Variants in ANKFN1 observed in about 807,000 individuals in gnomAD.
The protein encoded by ANKFN1 is ankyrin repeat and fibronectin type III domain containing 1, also known as ankyrin repeat and fibronectin type-III domain-containing protein 1.
Under a neutral mutation model 108.7 loss-of-function variants are expected in ANKFN1, and 74 were observed. The observed-to-expected ratio is 0.68, with a 90% CI of 0.56 to 0.83. ANKFN1 has a LOEUF of 0.83. Ranked by LOEUF, ANKFN1 falls within the 40% of genes least tolerant of loss-of-function variation. The probability of loss-of-function intolerance (pLI) is 0.00; values close to 1 mark genes in which losing one functional copy is unlikely to be tolerated. For synonymous variants in ANKFN1, 547 were observed against 516.2 expected (o/e 1.06, Z -0.81); for missense variants, 1,505 against 1,382.3 (o/e 1.09, Z -1.41).
intron 20 of ANKFN1, among the ~76,000 whole-genome samples, chr17:56,502,746 C>A (rs2051415138): frequency 6.6e-6 from 1 of 152,190 alleles, no homozygotes; most frequent in African/African-American, 2.4e-5. Flanking sequence ...AGCATAATTC[C>A]ATTCTGTGTG....
At chr17:56,174,104 G>A (rs772157042) in intron 1 of ANKFN1, 1 of 888,800 alleles carries the variant, frequency 1.1e-6, no homozygotes, top group Non-Finnish European at 1.3e-6. Context: ...AGAATCCGTG[G>A]GTCAGCTTGA....
In ANKFN1 at chr17:56,420,715, CT is replaced by C. The variant is rs560168948; in HGVS notation, c.911-19602del. Among the ~76,000 whole-genome samples the C allele has an allele frequency of 1.1e-4, 9 of 84,078 alleles. No homozygotes were observed. In the South Asian group the frequency reaches 1.3e-3, roughly 12 times the overall value. 55.2% of individuals were successfully genotyped at this position (84,078 alleles called of 152,430 possible). A position where few individuals can be genotyped will look rare whatever the true frequency, so the allele number is the denominator to read the frequency against. On this transcript the variant is annotated intron_variant, in intron 8 of 20. Transcript: ENST00000682825. ...TTTTTTTTTTTTTTATTGTTGTTTTCTTTTTTTTTTGAGACGGAGTCTCACT... is the reference window on the plus strand; with the variant it reads ...TTTTTTTTTTTTTTATTGTTGTTTTCTTTTTTTTTGAGACGGAGTCTCACT...
intron 3 of ANKFN1, among the ~76,000 whole-genome samples, chr17:56,249,395 C>A (rs2043185910): frequency 6.6e-6 from 1 of 151,674 alleles, no homozygotes; most frequent in Non-Finnish European, 1.5e-5. Context: ...GATCGCCCCA[C>A]TGTGCTCCAG....
exon 4 of ANKFN1, chr17:56,046,153 A>G (rs933902657): frequency 6.6e-6 from 1 of 152,424 alleles, no homozygotes; most frequent in African/African-American, 2.4e-5. Context: ...GACATAAACG[A>G]GTCGGTGTTC....
At chr17:56,491,995 G>A (rs559993225) in intron 18 of ANKFN1, among the ~76,000 whole-genome samples, 192 bp from the exon 19 acceptor site, 3 of 152,176 alleles carry the variant, frequency 2.0e-5, no homozygotes, top group Admixed American at 6.5e-5. Context: ...AACCTTAAAA[G>A]GGAATACTGT....
intron 4 of ANKFN1, among the ~76,000 whole-genome samples, chr17:56,054,668 T>G (rs1184339200): frequency 1.3e-5 from 2 of 152,148 alleles, no homozygotes; most frequent in African/African-American, 4.8e-5. Context: ...TCCTAGCACT[T>G]TTGGAGTCTG....
At chr17:56,392,599 G>A (rs1252155251) in intron 8 of ANKFN1, among the ~76,000 whole-genome samples, 2 of 152,080 alleles carry the variant, frequency 1.3e-5, no homozygotes, top group Admixed American at 6.6e-5. Flanking sequence ...TAAACACACC[G>A]TGGGCACAGC....
At chr17:56,151,764 C>T (rs1908632130), upstream of ANKFN1, among the ~76,000 whole-genome samples, 1 of 152,136 alleles carries the variant, frequency 6.6e-6, no homozygotes, top group Admixed American at 6.5e-5. Flanking sequence ...ACACTTACTG[C>T]AGTAAGCCTA....
At chr17:56,134,304 A>G (rs1907465206) in intron 4 of ANKFN1, among the ~76,000 whole-genome samples, 3 of 152,112 alleles carry the variant, frequency 2.0e-5, no homozygotes, top group Admixed American at 2.0e-4. Context: ...AAACTCTCCA[A>G]GTCCACAGTT....
intron 8 of ANKFN1, among the ~76,000 whole-genome samples, chr17:56,433,656 G>A (rs1598602243): frequency 1.3e-5 from 2 of 152,030 alleles, no homozygotes; most frequent in South Asian, 2.1e-4. Flanking sequence ...AGAATGACAC[G>A]ATGGACTTTG....
In ANKFN1 at chr17:56,311,161, G is replaced by A. The variant is rs577589961; in HGVS notation, c.54-15060G>A. Among the ~76,000 whole-genome samples the A allele has an allele frequency of 1.1e-4, 16 of 148,318 alleles. No homozygotes were observed. In the South Asian group the frequency reaches 1.3e-3, roughly 12 times the overall value. On this transcript the variant is annotated intron_variant, in intron 3 of 20. Coordinates refer to ENST00000682825, the MANE Select transcript of ANKFN1 (RefSeq NM_001370326.1). ...CTCTCTCTCGCTCACTCTCTCTCTC[G>A]TGTGTTTGTGTGTGTGTGTGTGTGT...
chr17:56,087,148 ATC>A (rs1342050001), intron 4 of ANKFN1, among the ~76,000 whole-genome samples: 1 of 151,268 alleles, frequency 6.6e-6, no homozygotes, highest in African/African-American at 2.4e-5. Context: ...TGGAGCCAGG[ATC>A]TGTTCCTTGA....
intron 4 of ANKFN1, among the ~76,000 whole-genome samples, chr17:56,104,951 T>C (rs1905716270): frequency 6.6e-6 from 1 of 152,148 alleles, no homozygotes. Flanking sequence ...GAATCAAAGA[T>C]GAGTGAGAGG....
intron 3 of ANKFN1, among the ~76,000 whole-genome samples, chr17:56,274,616 G>A (rs961808257): frequency 6.6e-6 from 1 of 152,086 alleles, no homozygotes; most frequent in Non-Finnish European, 1.5e-5. Flanking sequence ...ATTGAAACAC[G>A]GGCTCCCATC....
intron 10 of ANKFN1, among the ~76,000 whole-genome samples, chr17:56,448,618 T>C (rs993912497): frequency 6.6e-6 from 1 of 152,162 alleles, no homozygotes; most frequent in Non-Finnish European, 1.5e-5. Flanking sequence ...TGGCCAAAAG[T>C]GTGAAACCTA....
chr17:56,079,978 G>T (rs1388259190), intron 4 of ANKFN1, among the ~76,000 whole-genome samples: 1 of 152,154 alleles, frequency 6.6e-6, no homozygotes, highest in Non-Finnish European at 1.5e-5. Flanking sequence ...GAAAGGAACA[G>T]TTGGGCAAGT....
At position 56,126,218 on chromosome 17, in the gene ANKFN1, A is replaced by T. The variant is rs111233074; in HGVS notation, c.288+79893A>T. Among the ~76,000 whole-genome samples, 887 of 152,294 alleles carry T rather than the reference A, an allele frequency of 5.8e-3. 8 individuals are homozygous for T. Among genetic ancestry groups the T allele is most frequent in the Middle Eastern group, 0.01 (3 of 294 alleles). On this transcript the variant is annotated intron_variant, in intron 4 of 12. Transcript: ENST00000635860. Reference sequence around the variant, plus strand: ...CAGGGGTGTTTTTGCTATTAAATTAAGTCTGGAAAATAAATAATTGTCTTT... The same window carrying T: ...CAGGGGTGTTTTTGCTATTAAATTATGTCTGGAAAATAAATAATTGTCTTT...
At chr17:56,150,197 A>G (rs1908514885), upstream of ANKFN1, among the ~76,000 whole-genome samples, 1 of 152,180 alleles carries the variant, frequency 6.6e-6, no homozygotes. Context: ...CAGAAACTAG[A>G]TGTGGTCCAC....
chr17:56,402,528 T>C (rs1234248312), intron 8 of ANKFN1, among the ~76,000 whole-genome samples: 1 of 152,188 alleles, frequency 6.6e-6, no homozygotes, highest in Non-Finnish European at 1.5e-5. Flanking sequence ...TGGTGTCAGT[T>C]GTAATATCTC....
Sources: gnomAD v4.1 joint callset for allele counts (sites outside exome capture counted in the v4.1 genomes callset) on GRCh38, gnomAD v4.1.1 for gene constraint, MANE v1.5 for transcripts, NCBI Gene and HGNC (gene_info 2026-07-23, HGNC 2026-07-21) for gene names.